Variants in ZSWIM8 observed in about 807,000 individuals in gnomAD.
ZSWIM8 encodes zinc finger SWIM domain-containing protein 8.
ZSWIM8 carries 27 observed loss-of-function variants against 173.7 expected under a neutral mutation model. That is an observed-to-expected ratio of 0.16 (90% CI 0.11 to 0.21). The LOEUF (loss-of-function observed/expected upper bound fraction) is 0.21, where lower values mean the gene tolerates loss of function less well. Ranked by LOEUF, ZSWIM8 falls within the 10% of genes least tolerant of loss-of-function variation. ZSWIM8 has a pLI of 1.00. For synonymous variants in ZSWIM8, 958 were observed against 962.0 expected (o/e 1.00, Z 0.08); for missense variants, 1,627 against 2,428.8 (o/e 0.67, Z 6.94).
At position 73,785,782 on chromosome 10, in the gene ZSWIM8, C is replaced by A; in HGVS notation, c.-97C>A. The A allele has an allele frequency of 7.4e-7, 1 of 1,346,946 alleles. No homozygotes were observed. The highest frequency in any genetic ancestry group is 1.0e-6 in the Non-Finnish European group (1 of 990,568). 83.4% of individuals were successfully genotyped at this position (1,346,946 alleles called of 1,614,324 possible). On this transcript the variant is annotated 5_prime_UTR_variant, in exon 1 of 26. Coordinates refer to ENST00000604729, the MANE Select transcript of ZSWIM8 (RefSeq NM_001367799.1). The stretch of plus-strand genomic sequence containing the variant: ...GCGCCCCGGCCACCCCCAGCCCCGG[C>A]TCGCCCCTCAGGCCCCGGGCCTCCC...
chr10:73,792,712 G>A lies in ZSWIM8; in HGVS notation c.2173G>A (p.Glu725Lys). 2 of 1,613,956 alleles carry A rather than the reference G, an allele frequency of 1.2e-6. No homozygotes were observed. Among genetic ancestry groups the A allele is most frequent in the East Asian group, 2.2e-5 (1 of 44,874 alleles). Reference sequence around the variant, plus strand: ...AGAGGCAGCCCCTGCAGTTGGAGAGGAGGATGATGACTACCAGGCGTACTA... The same window carrying A: ...AGAGGCAGCCCCTGCAGTTGGAGAGAAGGATGATGACTACCAGGCGTACTA... ...TKEAAPAVGE[E>K]DDDYQAYYLN... The change falls in exon 10 of 26, where the codon GAG (glutamate) becomes AAG (lysine). Residue 725 changes from glutamate (E) to lysine (K), a missense_variant. Glu to Lys is a moderately conservative substitution (Grantham distance 56, BLOSUM62 1). Coordinates refer to ENST00000604729, the MANE Select transcript of ZSWIM8 (RefSeq NM_001367799.1). This position sits in a 1 kb window ranked among gnomAD's most constrained non-coding sequence, Gnocchi z 4.3.
At position 73,800,871 on chromosome 10, in the gene ZSWIM8, A is replaced by C; in HGVS notation, c.5122+112A>C. ...CTCAGAGTTGAGGCCTTGGTCGGGTATGTGTGCGTGCGCGGGGGGCGGAGG... is the reference window on the plus strand; with the variant it reads ...CTCAGAGTTGAGGCCTTGGTCGGGTCTGTGTGCGTGCGCGGGGGGCGGAGG... On this transcript the variant is annotated intron_variant, in intron 24 of 25. Transcript: ENST00000604729. This position sits in a 1 kb window ranked among gnomAD's most constrained non-coding sequence, Gnocchi z 4.1. 8.6e-7 allele frequency: 1 copy of C among 1,168,782 alleles called. No homozygotes were observed. Among genetic ancestry groups the C allele is most frequent in the Non-Finnish European group, 1.2e-6 (1 of 826,234 alleles). The allele number at this position is 1,168,782 out of a possible 1,614,324, so 72.4% of individuals were successfully genotyped here.
At position 73,785,974 on chromosome 10, in the gene ZSWIM8, C is replaced by A. The variant is rs775746994; in HGVS notation, c.96C>A (p.Ser32=). Residue 32 remains serine, a synonymous_variant, in exon 1 of 26, where the codon TCC becomes TCA. Transcript: ENST00000604729. The part of the protein sequence containing the change: ...FEEDSLCSFI[S]EAESLCQNWR... ...AGGATTCACTCTGTTCCTTCATCTC[C>A]GAGGCCGAGAGCCTCTGCCAGAACT... 6.3e-7 allele frequency: 1 copy of A among 1,591,154 alleles called. No individual in the cohort carries two copies. Among genetic ancestry groups the A allele is most frequent in the Non-Finnish European group, 8.6e-7 (1 of 1,169,092 alleles).
rs1484803601 is a variant in ZSWIM8, at chr10:73,796,653, G to A, written c.3034-121G>A. ...GGAGGTCATCCTGTGGTTGTAAGTG[G>A]GGAAGGCTCCCTGAGGATGTAGCAA... is the stretch of plus-strand genomic sequence containing the variant. On this transcript the variant is annotated intron_variant, in intron 15 of 25. Transcript: ENST00000604729. 2.9e-6 allele frequency: 4 copies of A among 1,386,590 alleles called. No individual in the cohort carries two copies. The Admixed American group carries it at 9.3e-5, about 32-fold the overall frequency. The allele number at this position is 1,386,590 out of a possible 1,614,324, so 85.9% of individuals were successfully genotyped here.
chr10:73,793,757 T>G (rs752201653), intron 11 of ZSWIM8, 38 bp downstream of exon 11: 1 of 808,152 alleles, frequency 1.2e-6, no homozygotes, highest in Non-Finnish European at 1.6e-6. Flanking sequence ...CCTCCCCCAC[T>G]TACCCCCAAC....
intron 15 of ZSWIM8, chr10:73,796,537 A>G (rs1186514449): frequency 1.8e-6 from 1 of 570,620 alleles, no homozygotes; most frequent in Non-Finnish European, 3.1e-6. Context: ...TTCAGTATTT[A>G]TTGACTATCA....
chr10:73,791,758 C>G lies in ZSWIM8; in HGVS notation c.1320-101C>G. ...ATGGGGCTGGGTCAAGAAGTACTTT[C>G]CTGTATCCTTTCCCCATGCCTCTCT... is the stretch of plus-strand genomic sequence containing the variant. On this transcript the variant is annotated intron_variant, in intron 9 of 25. Transcript: ENST00000604729. The surrounding 1 kb of genome is among the most constrained non-coding windows in gnomAD (Gnocchi z 6.0). The G allele has an allele frequency of 7.1e-7, 1 of 1,415,842 alleles. No homozygotes were observed. The highest frequency in any genetic ancestry group is 9.3e-7 in the Non-Finnish European group (1 of 1,071,268). The allele number at this position is 1,415,842 out of a possible 1,614,324, so 87.7% of individuals were successfully genotyped here. A position where few individuals can be genotyped will look rare whatever the true frequency, so the allele number is the denominator to read the frequency against.
Position 73,788,981 on chromosome 10 carries a change from C to G in ZSWIM8, c.363-115C>G, listed in dbSNP as rs374936528. ...ATTCCACTCCCTCCCCCCCACCCCC[C>G]GCCCTGGGGAAGGAATGAGGCTAGG... On this transcript the variant is annotated intron_variant, in intron 2 of 25. Coordinates refer to ENST00000604729, the MANE Select transcript of ZSWIM8 (RefSeq NM_001367799.1). 9 of 884,326 alleles carry G rather than the reference C, an allele frequency of 1.0e-5. No individual in the cohort carries two copies. The South Asian group carries it at 1.2e-4, about 12-fold the overall frequency. The allele number at this position is 884,326 out of a possible 1,614,324, so 54.8% of individuals were successfully genotyped here.
rs987634122 is a variant in ZSWIM8, at chr10:73,797,396, C to T, written c.3453C>T (p.Ser1151=). The change falls in exon 18 of 26, where the codon AGC becomes AGT. Residue 1151 remains serine, a synonymous_variant. Coordinates refer to ENST00000604729, the MANE Select transcript of ZSWIM8 (RefSeq NM_001367799.1). This position sits in a 1 kb window ranked among gnomAD's most constrained non-coding sequence, Gnocchi z 5.6. The part of the protein sequence containing the change: ...KKHTGMASID[S]SAPETTSDSS... ...GGTTAGGCATGGCCAGCATTGACAG[C>T]AGTGCCCCTGAAACAACATCGGATA... The T allele has an allele frequency of 1.2e-6, 2 of 1,613,810 alleles. No homozygotes were observed. The highest frequency in any genetic ancestry group is 2.7e-5 in the African/African-American group (2 of 74,914).
Position 73,798,311 on chromosome 10 carries a change from C to T in ZSWIM8, c.4034C>T (p.Ala1345Val). Reference sequence around the variant, plus strand: ...GGGCACCTGACACCCCCTGAGGTTGCATCCCTGGCTGACAGGGCATCACGG... The same window carrying T: ...GGGCACCTGACACCCCCTGAGGTTGTATCCCTGGCTGACAGGGCATCACGG... ...WDGHLTPPEV[A>V]SLADRASRAR... The change falls in exon 20 of 26, where the codon GCA becomes GTA. Residue 1345 changes from alanine to valine, a missense_variant. Around this residue, in one of 18 missense-constraint regions of ZSWIM8, gnomAD observed 95 missense variants for 271.3 expected, o/e 0.35. Transcript: ENST00000604729. 6.2e-7 allele frequency: 1 copy of T among 1,614,068 alleles called. No individual in the cohort carries two copies. Among genetic ancestry groups the T allele is most frequent in the Non-Finnish European group, 8.5e-7 (1 of 1,179,898 alleles).
Position 73,798,076 on chromosome 10 carries a change from T to A in ZSWIM8, c.3952+6T>A. 6.2e-7 allele frequency: 1 copy of A among 1,612,368 alleles called. No individual in the cohort carries two copies. Among genetic ancestry groups the A allele is most frequent in the Non-Finnish European group, 8.5e-7 (1 of 1,178,602 alleles). On this transcript the variant is annotated splice_donor_region_variant and intron_variant, in intron 19 of 25. Coordinates refer to ENST00000604729, the MANE Select transcript of ZSWIM8 (RefSeq NM_001367799.1). ...CCACGTTTCCTGGATTACAGGTAAA[T>A]CATTTGACCTGACTTGGGTATGGGA...
rs996853885 is a variant in ZSWIM8, at chr10:73,791,948, G to A, written c.1409G>A (p.Arg470Gln). Residue 470 changes from arginine (R) to glutamine (Q), a missense_variant, in exon 10 of 26, where the codon CGG (arginine) becomes CAG (glutamine). Transcript: ENST00000604729. This position sits in a 1 kb window ranked among gnomAD's most constrained non-coding sequence, Gnocchi z 6.0. ...KRGQHKKTLERLFPGFRPAVE... is the reference protein window; with the variant it reads ...KRGQHKKTLEQLFPGFRPAVE... ...GGCCAACACAAGAAGACGCTGGAGC[G>A]GCTCTTCCCCGGCTTCCGGCCAGCG... 1.9e-6 allele frequency: 3 copies of A among 1,551,544 alleles called. No individual in the cohort carries two copies. The highest frequency in any genetic ancestry group is 2.6e-6 in the Non-Finnish European group (3 of 1,147,018).
chr10:73,799,327 G>A lies in ZSWIM8; in HGVS notation c.4502G>A (p.Gly1501Glu), dbSNP rs2083810302. 1.2e-6 allele frequency: 2 copies of A among 1,609,630 alleles called. No homozygotes were observed. Among genetic ancestry groups the A allele is most frequent in the Non-Finnish European group, 8.5e-7 (1 of 1,178,216 alleles). Residue 1501 changes from glycine (G) to glutamate (E), a missense_variant, in exon 21 of 26, where the codon GGA becomes GAA. Gly to Glu is a moderately conservative substitution (Grantham distance 98). Around this residue, in one of 18 missense-constraint regions of ZSWIM8, gnomAD observed 275 missense variants for 290.1 expected, o/e 0.95. Coordinates refer to ENST00000604729, the MANE Select transcript of ZSWIM8 (RefSeq NM_001367799.1). Reference sequence around the variant, plus strand: ...GGGTCTAGTTTATACCCGGGTCCAGGACTGGGGCATGGCCACTCCCCTGGC... The same window carrying A: ...GGGTCTAGTTTATACCCGGGTCCAGAACTGGGGCATGGCCACTCCCCTGGC... ...SVGSSLYPGP[G>E]LGHGHSPGLH... is the part of the protein sequence containing the mutation.
chr10:73,796,683 C>G (rs1261236740), intron 15 of ZSWIM8, 91 bp from the exon 16 acceptor site: 1 of 1,526,730 alleles, frequency 6.5e-7, no homozygotes, highest in Admixed American at 1.9e-5. Flanking sequence ...TAGCAATTGG[C>G]TGTTTCAAGG....
intron 1 of ZSWIM8, among the ~76,000 whole-genome samples, chr10:73,786,867 A>T (rs2083245425): frequency 6.6e-6 from 1 of 152,034 alleles, no homozygotes; most frequent in African/African-American, 2.4e-5. Flanking sequence ...AGGCCTTTCC[A>T]AGAGTCCTGT....
chr10:73,801,544 C>G lies in ZSWIM8; in HGVS notation c.*25C>G. 1.2e-6 allele frequency: 2 copies of G among 1,611,130 alleles called. No homozygotes were observed. The highest frequency in any genetic ancestry group is 1.7e-6 in the Non-Finnish European group (2 of 1,178,954). ...AGTCTTTCACCCTTAGGGTCCTATA[C>G]AGGGACCCAGGCCTGTGGCTATGGG... On this transcript the variant is annotated 3_prime_UTR_variant, in exon 26 of 26. Coordinates refer to ENST00000604729, the MANE Select transcript of ZSWIM8 (RefSeq NM_001367799.1). The surrounding 1 kb of genome is among the most constrained non-coding windows in gnomAD (Gnocchi z 4.9).
chr10:73,801,515 C>T lies in ZSWIM8; in HGVS notation c.5501C>T (p.Pro1834Leu). 6.2e-7 allele frequency: 1 copy of T among 1,613,808 alleles called. No individual in the cohort carries two copies. The highest frequency in any genetic ancestry group is 1.1e-5 in the South Asian group (1 of 91,076). The change falls in exon 26 of 26, where the codon CCC (proline) becomes CTC (leucine). Residue 1834 changes from proline (P) to leucine (L), a missense_variant. Transcript: ENST00000604729. This position sits in a 1 kb window ranked among gnomAD's most constrained non-coding sequence, Gnocchi z 4.9. ...RVSLEMATFS[P>L] ...TCACTCGAGATGGCCACCTTCTCCC[C>T]CTGAGTCTTTCACCCTTAGGGTCCT...
Position 73,800,574 on chromosome 10 carries a change from G to A in ZSWIM8, c.5003-66G>A. The A allele has an allele frequency of 6.2e-7, 1 of 1,603,788 alleles. No homozygotes were observed. Among genetic ancestry groups the A allele is most frequent in the South Asian group, 1.1e-5 (1 of 89,678 alleles). On this transcript the variant is annotated intron_variant, in intron 23 of 25. Coordinates refer to ENST00000604729, the MANE Select transcript of ZSWIM8 (RefSeq NM_001367799.1). This position sits in a 1 kb window ranked among gnomAD's most constrained non-coding sequence, Gnocchi z 4.1. Reference sequence around the variant, plus strand: ...TCATTTGTTTACTGTGGGGTCAGGTGACAGGTTGGGGTAAAGGGTGAAGAG... The same window carrying A: ...TCATTTGTTTACTGTGGGGTCAGGTAACAGGTTGGGGTAAAGGGTGAAGAG...
rs2132816550 is a variant in ZSWIM8, at chr10:73,800,031, A to G, written c.4686A>G (p.Leu1562=). The change falls in exon 22 of 26, where the codon CTA becomes CTG. Residue 1562 remains leucine, a synonymous_variant. Coordinates refer to ENST00000604729, the MANE Select transcript of ZSWIM8 (RefSeq NM_001367799.1). The surrounding 1 kb of genome is among the most constrained non-coding windows in gnomAD (Gnocchi z 4.1). ...CCTAGGGTGTGCATCCTGCATTCCT[A>G]GGGGCTCAGTACCCTTATTCAGTGA... ...AYPQGVHPAF[L]GAQYPYSVTP... 1.2e-6 allele frequency: 2 copies of G among 1,613,436 alleles called. No individual in the cohort carries two copies. Among genetic ancestry groups the G allele is most frequent in the East Asian group, 2.2e-5 (1 of 44,866 alleles).
Sources: gnomAD v4.1 joint callset for allele counts (sites outside exome capture counted in the v4.1 genomes callset) on GRCh38, gnomAD v4.1.1 for gene constraint, gnomAD v4.1.1 regional missense constraint, Gnocchi (gnomAD v3.1) non-coding constraint, MANE v1.5 for transcripts, NCBI Gene and HGNC (gene_info 2026-07-23, HGNC 2026-07-21) for gene names.